The following ATP9B variants were observed in gnomAD, a reference collection of about 807,000 sequenced individuals.
ATP9B encodes probable phospholipid-transporting ATPase IIB.
A neutral mutation model predicts 146.1 loss-of-function variants in ATP9B; 110 were observed. The observed-to-expected ratio is 0.75, with a 90% CI of 0.65 to 0.88. The LOEUF is 0.88. ATP9B is among the 40% of genes least tolerant of loss of function. The probability of loss-of-function intolerance (pLI) is 0.00; values close to 1 mark genes in which losing one functional copy is unlikely to be tolerated. For synonymous variants in ATP9B, 604 were observed against 569.7 expected (o/e 1.06, Z -0.86); for missense variants, 1,499 against 1,496.4 (o/e 1.00, Z -0.03).
At chr18:79,232,520 C>T (rs558494693) in intron 11 of ATP9B, among the ~76,000 whole-genome samples, 1 of 152,328 alleles carries the variant, frequency 6.6e-6, no homozygotes, top group East Asian at 1.9e-4. Context: ...AAGCCCCACA[C>T]TAAAGGCTTG....
chr18:79,231,778 G>GTGTATATATATATATATATATATA (rs1224214557), intron 11 of ATP9B, among the ~76,000 whole-genome samples: 1 of 121,296 alleles, frequency 8.2e-6, no homozygotes, highest in African/African-American at 3.3e-5. Flanking sequence ...GTGTGTGTGT[G>GTGTATATATATATATATATATATA]TATATATATA....
chr18:79,073,211 A>G (rs1477650685), intron 1 of ATP9B, among the ~76,000 whole-genome samples: 4 of 152,132 alleles, frequency 2.6e-5, no homozygotes, highest in Non-Finnish European at 4.4e-5. Context: ...GACGCTCCTC[A>G]CTTCCTAGAT....
At chr18:79,347,707 C>G (rs2096897938) in intron 23 of ATP9B, 63 bp from the exon 24 acceptor site, 18 of 1,475,730 alleles carry the variant, frequency 1.2e-5, no homozygotes, top group Non-Finnish European at 1.6e-5. Flanking sequence ...CTAAAACTCA[C>G]TTTTGGAGTC....
At chr18:79,332,186 T>G (rs987306385) in intron 17 of ATP9B, among the ~76,000 whole-genome samples, 5 of 152,214 alleles carry the variant, frequency 3.3e-5, no homozygotes, top group Admixed American at 6.5e-5. Flanking sequence ...TGCCAGCACT[T>G]TGGGAGGCCA....
At chr18:79,183,309 T>A (rs1646553245) in intron 8 of ATP9B, among the ~76,000 whole-genome samples, 1 of 152,208 alleles carries the variant, frequency 6.6e-6, no homozygotes, top group African/African-American at 2.4e-5. Flanking sequence ...TTTTGATTAT[T>A]TGGCCAAAAT....
At chr18:79,348,224 C>T in intron 25 of ATP9B, 28 bp downstream of exon 25, 1 of 1,119,048 alleles carries the variant, frequency 8.9e-7, no homozygotes, top group Non-Finnish European at 1.3e-6. Context: ...CCTGCCAGCT[C>T]ATCCAGGGGA....
intron 1 of ATP9B, among the ~76,000 whole-genome samples, chr18:79,088,563 G>A (rs2074043754): frequency 6.6e-6 from 1 of 152,208 alleles, no homozygotes; most frequent in Non-Finnish European, 1.5e-5. Context: ...GTGTATAAAA[G>A]ATTATCTGGA....
intron 20 of ATP9B, among the ~76,000 whole-genome samples, chr18:79,342,604 A>T (rs902262485): frequency 2.6e-5 from 4 of 151,778 alleles, no homozygotes; most frequent in Admixed American, 6.6e-5. Context: ...AAATAAATAA[A>T]TAATTAATTA....
At chr18:79,374,260 G>A (rs2097090102) in intron 28 of ATP9B, 159 bp downstream of exon 28, 1 of 848,092 alleles carries the variant, frequency 1.2e-6, no homozygotes, top group Admixed American at 2.5e-5. Flanking sequence ...ACGGATGAAG[G>A]CGCTGAGCCC....
At chr18:79,139,570 A>G (rs370962626) in intron 5 of ATP9B, among the ~76,000 whole-genome samples, 2 of 152,182 alleles carry the variant, frequency 1.3e-5, no homozygotes, top group South Asian at 2.1e-4. Flanking sequence ...GTAGGTATAT[A>G]TATTTGTGGG....
intron 11 of ATP9B, among the ~76,000 whole-genome samples, chr18:79,223,066 G>A (rs2095696040): frequency 6.6e-6 from 1 of 152,164 alleles, no homozygotes; most frequent in Admixed American, 6.5e-5. Flanking sequence ...ATTGATTTGT[G>A]TATCTAATAA....
chr18:79,372,723 T>C (rs988874023), intron 26 of ATP9B, 102 bp from the exon 27 acceptor site: 1 of 822,658 alleles, frequency 1.2e-6, no homozygotes, highest in Non-Finnish European at 2.2e-6. Context: ...ATGGGGCTTA[T>C]GGACCTGGGT....
In ATP9B at chr18:79,149,864, C is replaced by T. The variant is rs145195251; in HGVS notation, c.727-4640C>T. Among the ~76,000 whole-genome samples the T allele has an allele frequency of 2.9e-3, 435 of 152,222 alleles. 2 individuals carry two copies. Among genetic ancestry groups the T allele is most frequent in the African/African-American group, 9.7e-3 (404 of 41,534 alleles). ...TTGGGAGGTCGAAGGGGACGGATCA[C>T]AAGGTCAAGAGATCAAGACCATCTT... On this transcript the variant is annotated intron_variant, in intron 6 of 29. Coordinates refer to ENST00000426216, the MANE Select transcript of ATP9B (RefSeq NM_198531.5).
chr18:79,321,328 A>G (rs924617381), intron 15 of ATP9B, among the ~76,000 whole-genome samples: 1 of 152,206 alleles, frequency 6.6e-6, no homozygotes, highest in Non-Finnish European at 1.5e-5. Flanking sequence ...CAAAGATGCT[A>G]AAAGTACTGC....
chr18:79,368,293 G>A (rs183277825), intron 26 of ATP9B, among the ~76,000 whole-genome samples: 6 of 152,330 alleles, frequency 3.9e-5, no homozygotes, highest in South Asian at 2.1e-4. Context: ...CCAGCTGCCC[G>A]GGCTGGAGAA....
In ATP9B at chr18:79,374,089, A is replaced by G; in HGVS notation, c.3262A>G (p.Asn1088Asp). 6.2e-7 allele frequency: 1 copy of G among 1,613,410 alleles called. No homozygotes were observed. ...CTACGTGTCCTCACTCGCTTTTCTCAATGAATATTTTGGTAAGTTGCCTTG... is the reference window on the plus strand; with the variant it reads ...CTACGTGTCCTCACTCGCTTTTCTCGATGAATATTTTGGTAAGTTGCCTTG... ...GCYVSSLAFL[N>D]EYFGIGRVSF... is the part of the protein sequence containing the mutation. Residue 1088 changes from asparagine (N) to aspartate (D), a missense_variant, in exon 28 of 30, where the codon AAT becomes GAT. Coordinates refer to ENST00000426216, the MANE Select transcript of ATP9B (RefSeq NM_198531.5).
At chr18:79,222,010 A>G (rs952793729) in intron 11 of ATP9B, among the ~76,000 whole-genome samples, 5 of 151,974 alleles carry the variant, frequency 3.3e-5, no homozygotes, top group Admixed American at 6.6e-5. Flanking sequence ...TCATATCCCT[A>G]GACCCTGAGT....
chr18:79,112,322 T>C (rs1041529678), intron 3 of ATP9B, among the ~76,000 whole-genome samples: 4 of 152,234 alleles, frequency 2.6e-5, no homozygotes, highest in Admixed American at 1.3e-4. Context: ...TTCTCATCTG[T>C]AAACGTAAGT....
Position 79,377,478 on chromosome 18 carries a change from CCAAG to C in ATP9B, c.*102_*105del, listed in dbSNP as rs2097108855. ...GTGAACGCAGGGTTTGCCATTGCTA[CCAAG>C]CAAGCACCACAAGAAAGGGAGGGTA... On this transcript the variant is annotated 3_prime_UTR_variant, in exon 30 of 30. Transcript: ENST00000426216. The C allele has an allele frequency of 6.8e-7, 1 of 1,464,644 alleles. No individual in the cohort carries two copies. Among genetic ancestry groups the C allele is most frequent in the South Asian group, 1.2e-5 (1 of 82,292 alleles). The allele number at this position is 1,464,644 out of a possible 1,614,324, so 90.7% of individuals were successfully genotyped here.
Sources: allele counts gnomAD v4.1 joint callset (sites outside exome capture counted in the v4.1 genomes callset), GRCh38; gene constraint gnomAD v4.1.1; transcripts MANE v1.5; gene names NCBI Gene and HGNC (gene_info 2026-07-23, HGNC 2026-07-21).